The following CPVL variants were observed in gnomAD, a reference collection of about 807,000 sequenced individuals.
The protein encoded by CPVL is carboxypeptidase vitellogenic like.
A neutral mutation model predicts 63.7 loss-of-function variants in CPVL; 51 were observed. That is an observed-to-expected ratio of 0.80 (90% confidence interval 0.64 to 1.01). The LOEUF (loss-of-function observed/expected upper bound fraction) is 1.01, where lower values mean the gene tolerates loss of function less well. CPVL is among the 50% of genes least tolerant of loss of function. The probability of loss-of-function intolerance (pLI) is 0.00; values close to 1 mark genes in which losing one functional copy is unlikely to be tolerated. For synonymous variants in CPVL, 195 were observed against 206.0 expected (o/e 0.95, Z 0.46); for missense variants, 530 against 573.1 (o/e 0.92, Z 0.77).
intron 5 of CPVL, among the ~76,000 whole-genome samples, chr7:29,155,066 C>T (rs1359989265): frequency 1.3e-5 from 2 of 152,100 alleles, no homozygotes; most frequent in Non-Finnish European, 2.9e-5. Flanking sequence ...GACTTATTCA[C>T]TGTCAGGAGA....
Position 29,071,757 on chromosome 7 carries a change from G to A in CPVL, c.864+16C>T, listed in dbSNP as rs769675787. 2.9e-6 allele frequency: 4 copies of A among 1,399,632 alleles called. No individual in the cohort carries two copies. Among genetic ancestry groups the A allele is most frequent in the Non-Finnish European group, 3.8e-6 (4 of 1,044,346 alleles). The allele number at this position is 1,399,632 out of a possible 1,614,324, so 86.7% of individuals were successfully genotyped here. On this transcript the variant is annotated intron_variant, in intron 9 of 12. Coordinates refer to ENST00000265394, the MANE Select transcript of CPVL (RefSeq NM_031311.5). ...TTTTAATTGCTCAAGGGCAGCACAGGGCCCCCAGAACTCACTTCAAAGGCC... is the reference window on the plus strand; with the variant it reads ...TTTTAATTGCTCAAGGGCAGCACAGAGCCCCCAGAACTCACTTCAAAGGCC...
rs552222825 is a variant in CPVL, at chr7:29,106,378, C to T, written c.288+6326G>A. Among the ~76,000 whole-genome samples, 494 of 152,066 alleles carry T rather than the reference C, an allele frequency of 3.2e-3. 3 individuals carry two copies. The highest frequency in any genetic ancestry group is 5.1e-3 in the Non-Finnish European group (344 of 67,966). ...GGCCACAGCCAGGTGATCACCTGGA[C>T]AGAGCCAGGGATATCATCTTGCTAA... On this transcript the variant is annotated intron_variant, in intron 3 of 12. Transcript: ENST00000265394.
chr7:29,129,057 A>G (rs1049641319), intron 1 of CPVL, among the ~76,000 whole-genome samples: 12 of 152,212 alleles, frequency 7.9e-5, no homozygotes, highest in African/African-American at 2.9e-4. Flanking sequence ...CAAGGGAGGA[A>G]TATCATCTGA....
At chr7:29,173,478 G>A (rs1447489463) in intron 5 of CPVL, among the ~76,000 whole-genome samples, 1 of 151,924 alleles carries the variant, frequency 6.6e-6, no homozygotes, top group Non-Finnish European at 1.5e-5. Context: ...AAGAAAATGA[G>A]GAACAGTGTA....
intron 3 of CPVL, among the ~76,000 whole-genome samples, chr7:29,106,463 C>T (rs979838782): frequency 6.6e-6 from 1 of 152,056 alleles, no homozygotes; most frequent in Non-Finnish European, 1.5e-5. Flanking sequence ...CCCCACCCCC[C>T]ACCTCAACAC....
intron 12 of CPVL, among the ~76,000 whole-genome samples, chr7:28,997,856 T>C (rs1306992172): frequency 1.3e-5 from 2 of 149,210 alleles, no homozygotes; most frequent in Non-Finnish European, 3.0e-5. Flanking sequence ...GTATTTCACA[T>C]ATTACAGTGA....
intron 11 of CPVL, among the ~76,000 whole-genome samples, chr7:29,034,537 G>C (rs908450236): frequency 2.6e-5 from 4 of 151,954 alleles, no homozygotes; most frequent in African/African-American, 9.7e-5. Flanking sequence ...TCATCACCTA[G>C]GTATTAAGCC....
At chr7:29,098,495 C>T (rs190188404) in intron 3 of CPVL, among the ~76,000 whole-genome samples, 28 of 152,252 alleles carry the variant, frequency 1.8e-4, no homozygotes, top group Admixed American at 1.4e-3. Flanking sequence ...TAAAGCCCTT[C>T]GAACAATGCC....
At chr7:29,112,412 A>G (rs1050614123) in intron 3 of CPVL, among the ~76,000 whole-genome samples, 1 of 152,080 alleles carries the variant, frequency 6.6e-6, no homozygotes. Context: ...ATACAACAAA[A>G]TGATAGGAAG....
rs1328510266 is a variant in CPVL at position 29,071,952 on chromosome 7, G to A, written c.733-48C>T. On this transcript the variant is annotated intron_variant, in intron 8 of 12. Coordinates refer to ENST00000265394, the MANE Select transcript of CPVL (RefSeq NM_031311.5). Reference sequence around the variant, plus strand: ...TCAATGTGACAAAGGGAGAGAAAGAGACCTTAAGGAAGCCCATTTGCTTGG... The same window carrying A: ...TCAATGTGACAAAGGGAGAGAAAGAAACCTTAAGGAAGCCCATTTGCTTGG... 4 of 1,604,224 alleles carry A rather than the reference G, an allele frequency of 2.5e-6. No individual in the cohort carries two copies. The South Asian group carries it at 4.5e-5, about 18-fold the overall frequency.
chr7:29,125,162 G>C (rs1179473165), intron 1 of CPVL: 1 of 152,090 alleles, frequency 6.6e-6, no homozygotes, highest in African/African-American at 2.4e-5. Context: ...CATAATGAGA[G>C]TGCATATAGT....
intron 8 of CPVL, 32 bp downstream of exon 8, chr7:29,072,269 G>A (rs1369555013): frequency 1.2e-6 from 2 of 1,612,552 alleles, no homozygotes; most frequent in Non-Finnish European, 1.7e-6. Flanking sequence ...CCCCCTAAGA[G>A]ACAAAATAGA....
chr7:29,055,361 TG>T (rs1265423972), intron 11 of CPVL, among the ~76,000 whole-genome samples: 3 of 152,194 alleles, frequency 2.0e-5, no homozygotes, highest in African/African-American at 7.2e-5. Flanking sequence ...GCAATTCTTC[TG>T]CTTCAGCCTC....
intron 1 of CPVL, chr7:29,145,911 A>G (rs1157605389): frequency 6.6e-6 from 1 of 152,166 alleles, no homozygotes; most frequent in Non-Finnish European, 1.5e-5. Context: ...ACATTCCAAG[A>G]ATAAAAGTCT....
At position 29,079,461 on chromosome 7, in the gene CPVL, G is replaced by A. The variant is rs952263185; in HGVS notation, c.609+7023C>T. Among the ~76,000 whole-genome samples, 9 of 152,086 alleles carry A rather than the reference G, an allele frequency of 5.9e-5. No homozygotes were observed. In the South Asian group the frequency reaches 6.2e-4, roughly 11 times the overall value. On this transcript the variant is annotated intron_variant, in intron 7 of 12. Coordinates refer to ENST00000265394, the MANE Select transcript of CPVL (RefSeq NM_031311.5). ...GGCATACCTAACCTCACTAAGCCTC[G>A]GTCACCTCACCTGTAAAATGGGAAG...
chr7:29,178,926 AAC>A (rs1797715608), intron 5 of CPVL, among the ~76,000 whole-genome samples: 1 of 152,234 alleles, frequency 6.6e-6, no homozygotes, highest in African/African-American at 2.4e-5. Flanking sequence ...AAAGAACACT[AAC>A]ACACCATTTA....
At chr7:29,143,501 C>T (rs1009321423) in intron 1 of CPVL, among the ~76,000 whole-genome samples, 3 of 152,044 alleles carry the variant, frequency 2.0e-5, no homozygotes, top group Non-Finnish European at 2.9e-5. Context: ...GAAAATGAAT[C>T]GCTTGGGACC....
At chr7:29,168,940 A>G (rs1013029446) in intron 5 of CPVL, among the ~76,000 whole-genome samples, 4 of 152,246 alleles carry the variant, frequency 2.6e-5, no homozygotes, top group Admixed American at 2.6e-4. Flanking sequence ...AGTAATACCC[A>G]GCCCAATGTG....
intron 11 of CPVL, among the ~76,000 whole-genome samples, chr7:29,048,040 G>T (rs2128170793): frequency 6.6e-6 from 1 of 152,188 alleles, no homozygotes; most frequent in East Asian, 1.9e-4. Flanking sequence ...CTGCTAAAAG[G>T]AGCTCTAAAT....
Sources: allele counts gnomAD v4.1 joint callset (sites outside exome capture counted in the v4.1 genomes callset), GRCh38; gene constraint gnomAD v4.1.1; transcripts MANE v1.5; gene names NCBI Gene and HGNC (gene_info 2026-07-23, HGNC 2026-07-21).